The following UBAP1 variants were observed in gnomAD, a reference collection of about 807,000 sequenced individuals.
UBAP1 encodes the protein ubiquitin associated protein 1, also known as ubiquitin-associated protein 1.
A neutral mutation model predicts 39.0 loss-of-function variants in UBAP1; 5 were observed. That is an observed-to-expected ratio of 0.13 (90% CI 0.07 to 0.27). The LOEUF is 0.27. Among genes scored for constraint, UBAP1 ranks in the 10% least tolerant of loss-of-function variants. The probability of loss-of-function intolerance (pLI) is 1.00; values close to 1 mark genes in which losing one functional copy is unlikely to be tolerated. For missense variants in UBAP1, 490 were observed against 608.1 expected (o/e 0.81, Z 2.04); for synonymous variants, 211 against 225.1 (o/e 0.94, Z 0.56).
intron 1 of UBAP1, among the ~76,000 whole-genome samples, chr9:34,212,380 CAT>C (rs1832062283): frequency 7.5e-6 from 1 of 133,632 alleles, no homozygotes; most frequent in Non-Finnish European, 1.6e-5. Flanking sequence ...AGTGAGACCT[CAT>C]TTCTATTAAA....
At chr9:34,232,546 A>G (rs1188376200) in intron 2 of UBAP1, among the ~76,000 whole-genome samples, 1 of 152,212 alleles carries the variant, frequency 6.6e-6, no homozygotes, top group African/African-American at 2.4e-5. Flanking sequence ...TAGATGGGAA[A>G]GAGATGGAAA....
chr9:34,205,431 A>C (rs1272670370), intron 1 of UBAP1, among the ~76,000 whole-genome samples: 1 of 152,188 alleles, frequency 6.6e-6, no homozygotes, highest in Non-Finnish European at 1.5e-5. Context: ...TGGTAACTAC[A>C]AGAGATTATT....
At chr9:34,205,310 C>T (rs1432869874) in intron 1 of UBAP1, among the ~76,000 whole-genome samples, 2 of 152,116 alleles carry the variant, frequency 1.3e-5, no homozygotes, top group Non-Finnish European at 2.9e-5. Flanking sequence ...CACACCCAGC[C>T]CTGGCTAATG....
intron 2 of UBAP1, among the ~76,000 whole-genome samples, chr9:34,233,222 C>CTT (rs1429572154): frequency 1.2e-5 from 1 of 80,502 alleles, no homozygotes; most frequent in Non-Finnish European, 2.9e-5. Flanking sequence ...AATTCTTTCT[C>CTT]TTCTTTTTTT....
At position 34,241,589 on chromosome 9, in the gene UBAP1, T is replaced by C; in HGVS notation, c.564T>C (p.Thr188=). Reference sequence around the variant, plus strand: ...TGAGAAATATTCTGGTAGGAACCACTGGACCCATTATGGCTCAGTTATTGG... The same window carrying C: ...TGAGAAATATTCTGGTAGGAACCACCGGACCCATTATGGCTCAGTTATTGG... ...EELRNILVGT[T]GPIMAQLLDN... is the part of the protein sequence containing the mutation. Residue 188 remains threonine, a synonymous_variant, in exon 4 of 7, where the codon ACT becomes ACC. Transcript: ENST00000297661. 5.6e-6 allele frequency: 9 copies of C among 1,614,134 alleles called. No individual in the cohort carries two copies. Among genetic ancestry groups the C allele is most frequent in the Non-Finnish European group, 7.6e-6 (9 of 1,180,014 alleles).
chr9:34,247,307 A>G (rs1191906576), intron 4 of UBAP1, among the ~76,000 whole-genome samples: 1 of 152,216 alleles, frequency 6.6e-6, no homozygotes, highest in Non-Finnish European at 1.5e-5. Flanking sequence ...GAAAAGTATC[A>G]TCTGTTAGGA....
intron 1 of UBAP1, among the ~76,000 whole-genome samples, chr9:34,195,435 T>C (rs1325845471): frequency 6.6e-6 from 1 of 152,174 alleles, no homozygotes; most frequent in Admixed American, 6.5e-5. Context: ...TTCTAAAATA[T>C]TTTGTCCATG....
intron 1 of UBAP1, among the ~76,000 whole-genome samples, chr9:34,204,362 T>C (rs959455901): frequency 6.6e-6 from 1 of 152,112 alleles, no homozygotes; most frequent in Non-Finnish European, 1.5e-5. Flanking sequence ...TATCAAATAG[T>C]AAGGATTTTC....
rs56012034 is a variant in UBAP1, at chr9:34,202,624, CGTGTGTGTGTGTGTGTGTGT to C, written c.-7-18249_-7-18230del. On this transcript the variant is annotated intron_variant, in intron 1 of 6. Transcript: ENST00000297661. ...ATGGGCCAGAAGCTGTAGACAGAAA[CGTGTGTGTGTGTGTGTGTGT>C]GTGTGTGTGTGTGTGTGTGTGTGTG... is the stretch of plus-strand genomic sequence containing the variant. Among the ~76,000 whole-genome samples the C allele has an allele frequency of 4.9e-4, 53 of 107,364 alleles. 1 individual carries two copies. Among genetic ancestry groups the C allele is most frequent in the Middle Eastern group, 4.5e-3 (1 of 222 alleles). The allele number at this position is 107,364 out of a possible 152,430, so 70.4% of individuals were successfully genotyped here. A position where few individuals can be genotyped will look rare whatever the true frequency, so the allele number is the denominator to read the frequency against.
In UBAP1 at chr9:34,234,358, G is replaced by C; in HGVS notation, c.159+18G>C. 1 of 1,577,002 alleles carries C rather than the reference G, an allele frequency of 6.3e-7. No individual in the cohort carries two copies. ...AAGTACAGGTAAGTGGTAATTTTTA[G>C]TTAAAGTTTAGTGCATTTAAAAGTT... On this transcript the variant is annotated intron_variant, in intron 3 of 6. Transcript: ENST00000297661.
chr9:34,194,056 G>A (rs11793208), intron 1 of UBAP1, among the ~76,000 whole-genome samples: 25,123 of 152,088 alleles, frequency 0.17, 2,291 homozygotes, highest in South Asian at 0.31. Context: ...TGGGAATTAT[G>A]AACCAGGAAC....
chr9:34,249,704 C>T, intron 4 of UBAP1, 75 bp from the exon 5 acceptor site: 2 of 1,447,622 alleles, frequency 1.4e-6, no homozygotes, highest in Non-Finnish European at 1.9e-6. Context: ...AATGCCAACC[C>T]CTGGACTAGG....
chr9:34,228,417 CAAAA>C (rs1182740329), intron 2 of UBAP1, among the ~76,000 whole-genome samples: 1 of 56,190 alleles, frequency 1.8e-5, no homozygotes, highest in Non-Finnish European at 3.9e-5. Flanking sequence ...GACTTCATCT[CAAAA>C]AAAAAAAAAA....
At position 34,249,909 on chromosome 9, in the gene UBAP1, C is replaced by T. The variant is rs756342337; in HGVS notation, c.1214C>T (p.Ser405Leu). 2.5e-6 allele frequency: 4 copies of T among 1,613,592 alleles called. No homozygotes were observed. Among genetic ancestry groups the T allele is most frequent in the African/African-American group, 2.7e-5 (2 of 74,836 alleles). ...CVETVVNMGY[S>L]YECVLRAMKK... ...GAGACGGTGGTCAACATGGGCTACT[C>T]GTACGAGTGTGTCCTCAGAGCCATG... Residue 405 changes from serine to leucine, a missense_variant, in exon 5 of 7, where the codon TCG becomes TTG. Physicochemically the swap from Ser to Leu is moderately radical, Grantham distance 145. Transcript: ENST00000297661.
At chr9:34,238,297 G>A (rs915772699) in intron 3 of UBAP1, among the ~76,000 whole-genome samples, 11 of 152,012 alleles carry the variant, frequency 7.2e-5, no homozygotes, top group South Asian at 2.1e-4. Flanking sequence ...TCTAATTTTC[G>A]GCTATTATGA....
intron 1 of UBAP1, among the ~76,000 whole-genome samples, chr9:34,191,305 T>C (rs933639121): frequency 3.9e-5 from 6 of 152,142 alleles, no homozygotes; most frequent in African/African-American, 9.7e-5. Flanking sequence ...TCTTGCTATG[T>C]TCCCTGGTCT....
chr9:34,181,237 T>G (rs1346655960), intron 1 of UBAP1, among the ~76,000 whole-genome samples: 1 of 145,236 alleles, frequency 6.9e-6, no homozygotes. Context: ...CTCAGCCTCC[T>G]CAGTAGCTGC....
At chr9:34,249,686 G>GT in intron 4 of UBAP1, 93 bp from the exon 5 acceptor site, 1 of 1,214,336 alleles carries the variant, frequency 8.2e-7, no homozygotes, top group Admixed American at 1.9e-5. Context: ...GGCTTGAATA[G>GT]TGTCAGAAAT....
In UBAP1 at chr9:34,229,401, G is replaced by GCACACACA. The variant is rs533624929; in HGVS notation, c.35-4808_35-4807insACACACAC. ...GCCTCCCGAGTAGCTGGGATTACAG[G>GCACACACA]CACACACCACCATGCTCGGCTAATT... On this transcript the variant is annotated intron_variant, in intron 2 of 6. Coordinates refer to ENST00000297661, the MANE Select transcript of UBAP1 (RefSeq NM_016525.5). Among the ~76,000 whole-genome samples the GCACACACA allele has an allele frequency of 4.4e-3, 665 of 151,996 alleles. 23 individuals carry two copies. Among genetic ancestry groups the GCACACACA allele is most frequent in the Admixed American group, 0.039 (593 of 15,222 alleles).
Sources: allele counts gnomAD v4.1 joint callset (sites outside exome capture counted in the v4.1 genomes callset), GRCh38; gene constraint gnomAD v4.1.1; transcripts MANE v1.5; gene names NCBI Gene and HGNC (gene_info 2026-07-23, HGNC 2026-07-21).